Variants in DIAPH3 observed in about 807,000 individuals in gnomAD.
DIAPH3 encodes diaphanous related formin 3, also known as protein diaphanous homolog 3.
A neutral mutation model predicts 144.3 loss-of-function variants in DIAPH3; 117 were observed. The observed-to-expected ratio is 0.81, with a 90% CI of 0.70 to 0.95. The LOEUF is 0.95. Ranked by LOEUF, DIAPH3 falls within the 40% of genes least tolerant of loss-of-function variation. The pLI is 0.00. For synonymous variants in DIAPH3, 519 were observed against 488.9 expected (o/e 1.06, Z -0.81); for missense variants, 1,421 against 1,412.7 (o/e 1.01, Z -0.09).
chr13:59,983,710 G>A (rs2051182222), intron 13 of DIAPH3, 59 bp downstream of exon 13: 1 of 1,183,508 alleles, frequency 8.4e-7, no homozygotes, highest in Non-Finnish European at 1.3e-6. Context: ...CAATGCCCTA[G>A]AGCTCATTCA....
chr13:59,860,994 T>G (rs2043545378), intron 22 of DIAPH3, among the ~76,000 whole-genome samples: 1 of 152,006 alleles, frequency 6.6e-6, no homozygotes, highest in Admixed American at 6.6e-5. Flanking sequence ...TGGGCAGAGA[T>G]AGATTTGGTA....
At chr13:59,889,645 A>T (rs892909650) in intron 20 of DIAPH3, among the ~76,000 whole-genome samples, 1 of 151,926 alleles carries the variant, frequency 6.6e-6, no homozygotes. Flanking sequence ...CCATTTTATT[A>T]TTCTTTAATT....
intron 27 of DIAPH3, among the ~76,000 whole-genome samples, chr13:59,692,185 A>T (rs2033566422): frequency 4.6e-5 from 3 of 64,648 alleles, no homozygotes; most frequent in Admixed American, 2.1e-4. Flanking sequence ...ACAAACTTTT[A>T]CTCTTGATAG....
chr13:59,781,201 A>G (rs943708770), intron 25 of DIAPH3, among the ~76,000 whole-genome samples: 49 of 152,364 alleles, frequency 3.2e-4, no homozygotes, highest in African/African-American at 1.1e-3. Context: ...AATATGTAGG[A>G]AGGAAATAAG....
At chr13:59,944,870 C>T (rs779397185) in intron 17 of DIAPH3, among the ~76,000 whole-genome samples, 6 of 152,046 alleles carry the variant, frequency 3.9e-5, no homozygotes, top group Admixed American at 6.6e-5. Flanking sequence ...GTGGAAAGAA[C>T]TTGCCCTTAG....
chr13:60,124,904 G>T (rs2058947937), intron 2 of DIAPH3, among the ~76,000 whole-genome samples: 2 of 152,058 alleles, frequency 1.3e-5, no homozygotes, highest in South Asian at 4.2e-4. Context: ...CGGAGAAAAG[G>T]ATAGTACTTA....
intron 20 of DIAPH3, among the ~76,000 whole-genome samples, chr13:59,892,493 G>A (rs1346211799): frequency 6.6e-6 from 1 of 151,810 alleles, no homozygotes; most frequent in Non-Finnish European, 1.5e-5. Context: ...TCAGATAGAA[G>A]TCTAGATTTA....
chr13:60,148,856 A>G (rs1329593462), intron 1 of DIAPH3, among the ~76,000 whole-genome samples: 1 of 152,232 alleles, frequency 6.6e-6, no homozygotes, highest in Admixed American at 6.5e-5. Flanking sequence ...TGAACTCCCC[A>G]GCAACACTGT....
chr13:59,692,966 T>C (rs1476010762), intron 27 of DIAPH3, among the ~76,000 whole-genome samples: 2 of 152,172 alleles, frequency 1.3e-5, no homozygotes, highest in African/African-American at 4.8e-5. Flanking sequence ...AAATATGTAA[T>C]TATAACTTGT....
chr13:59,714,176 C>T (rs1027664242), intron 27 of DIAPH3, among the ~76,000 whole-genome samples: 4 of 151,560 alleles, frequency 2.6e-5, no homozygotes, highest in South Asian at 4.2e-4. Flanking sequence ...CCGGCTAACA[C>T]GGTGAAACCC....
chr13:59,960,627 C>T (rs184680664), intron 17 of DIAPH3, among the ~76,000 whole-genome samples: 1 of 152,262 alleles, frequency 6.6e-6, no homozygotes, highest in East Asian at 1.9e-4. Context: ...CTACCATCCT[C>T]ACTAATCTCT....
intron 20 of DIAPH3, among the ~76,000 whole-genome samples, chr13:59,905,763 A>G (rs1593920981): frequency 6.6e-6 from 1 of 152,162 alleles, no homozygotes. Context: ...TGTGATGCCA[A>G]AAATAGAAGT....
intron 20 of DIAPH3, among the ~76,000 whole-genome samples, chr13:59,884,867 T>TA (rs2045333672): frequency 6.6e-6 from 1 of 151,896 alleles, no homozygotes; most frequent in Non-Finnish European, 1.5e-5. Flanking sequence ...AATGTACTCT[T>TA]ACGATATTAA....
rs756931722 is a variant in DIAPH3, at chr13:60,112,091, T to C, written c.309A>G (p.Ser103=). 8.7e-6 allele frequency: 14 copies of C among 1,614,016 alleles called. No homozygotes were observed. Among genetic ancestry groups the C allele is most frequent in the East Asian group, 2.2e-5 (1 of 44,876 alleles). The part of the protein sequence containing the change: ...LKTAFASSDC[S]AAPLEMMENF... ...TCTCCATCATCTCTAAAGGTGCTGCTGAGCAATCACTGCTTGCAAATGCAG... is the reference window on the plus strand; with the variant it reads ...TCTCCATCATCTCTAAAGGTGCTGCCGAGCAATCACTGCTTGCAAATGCAG... Residue 103 remains serine (S), a synonymous_variant, in exon 3 of 28, where the codon TCA becomes TCG. Transcript: ENST00000400324.
At position 59,737,936 on chromosome 13, in the gene DIAPH3, G is replaced by A. The variant is rs528535396; in HGVS notation, c.3319+36253C>T. On this transcript the variant is annotated intron_variant, in intron 27 of 27. Coordinates refer to ENST00000400324, the MANE Select transcript of DIAPH3 (RefSeq NM_001042517.2). ...AATCCCAGCACTTTGGGAGGCCGAGGTGGGTGCATCAGTTGAAGTCAGGAG... is the reference window on the plus strand; with the variant it reads ...AATCCCAGCACTTTGGGAGGCCGAGATGGGTGCATCAGTTGAAGTCAGGAG... Among the ~76,000 whole-genome samples, 23 of 152,280 alleles carry A rather than the reference G, an allele frequency of 1.5e-4. No homozygotes were observed. The South Asian group carries it at 1.7e-3, about 11-fold the overall frequency.
At chr13:60,160,977 C>T (rs1347418042) in intron 1 of DIAPH3, among the ~76,000 whole-genome samples, 1 of 152,218 alleles carries the variant, frequency 6.6e-6, no homozygotes, top group African/African-American at 2.4e-5. Flanking sequence ...AATTTGCCAA[C>T]TTTAACAGGA....
chr13:59,676,029 T>C (rs1035803640), intron 27 of DIAPH3, among the ~76,000 whole-genome samples: 1 of 152,242 alleles, frequency 6.6e-6, no homozygotes, highest in East Asian at 1.9e-4. Flanking sequence ...TTTCCTTATT[T>C]CTTATACTTC....
At chr13:60,058,895 T>A (rs2056659011) in intron 4 of DIAPH3, among the ~76,000 whole-genome samples, 1 of 152,032 alleles carries the variant, frequency 6.6e-6, no homozygotes, top group Non-Finnish European at 1.5e-5. Context: ...TACTGGAGGA[T>A]GAAAAATTAC....
In DIAPH3 at chr13:59,752,683, A is replaced by C. The variant is rs572172641; in HGVS notation, c.3319+21506T>G. Among the ~76,000 whole-genome samples the C allele has an allele frequency of 3.3e-5, 5 of 152,286 alleles. No homozygotes were observed. In the South Asian group the frequency reaches 1.0e-3, roughly 32 times the overall value. On this transcript the variant is annotated intron_variant, in intron 27 of 27. Coordinates refer to ENST00000400324, the MANE Select transcript of DIAPH3 (RefSeq NM_001042517.2). ...GCACCCAGCTAATGTAGTCATTTTA[A>C]AGCTTCAGTCTCTTTTAAAACAAGG...
Sources: allele counts gnomAD v4.1 joint callset (sites outside exome capture counted in the v4.1 genomes callset), GRCh38; gene constraint gnomAD v4.1.1; transcripts MANE v1.5; gene names NCBI Gene and HGNC (gene_info 2026-07-23, HGNC 2026-07-21).